DHX40: variants seen among roughly 807,000 people sequenced by gnomAD.
The protein encoded by DHX40 is DEAH-box helicase 40.
Under a neutral mutation model 89.6 loss-of-function variants are expected in DHX40, and 28 were observed. That is an observed-to-expected ratio of 0.31 (90% CI 0.23 to 0.43). DHX40 has a LOEUF of 0.43. DHX40 is among the 20% of genes least tolerant of loss of function. The pLI is 1.00. For synonymous variants in DHX40, 226 were observed against 283.6 expected (o/e 0.80, Z 2.04); for missense variants, 457 against 844.0 (o/e 0.54, Z 5.68).
intron 11 of DHX40, among the ~76,000 whole-genome samples, chr17:59,586,758 T>A (rs2049003412): frequency 6.6e-6 from 1 of 152,118 alleles, no homozygotes; most frequent in African/African-American, 2.4e-5. Flanking sequence ...TGAGTACCAT[T>A]TCAGTGCTAA....
chr17:59,607,416 C>T lies in DHX40; in HGVS notation c.*244C>T, dbSNP rs895852568. 20 of 698,482 alleles carry T rather than the reference C, an allele frequency of 2.9e-5. No homozygotes were observed. Among genetic ancestry groups the T allele is most frequent in the Admixed American group, 5.5e-5 (2 of 36,114 alleles). The allele number at this position is 698,482 out of a possible 1,614,324, so 43.3% of individuals were successfully genotyped here. ...TACATGAAACCAATGAAAGACAGTA[C>T]ATGTAATAATATTTTCCTCAGTACA... On this transcript the variant is annotated 3_prime_UTR_variant, in exon 18 of 18. Coordinates refer to ENST00000251241, the MANE Select transcript of DHX40 (RefSeq NM_024612.5).
Position 59,575,471 on chromosome 17 carries a change from G to C in DHX40, c.973G>C (p.Asp325His). Residue 325 changes from aspartate (D) to histidine (H), a missense_variant and splice_region_variant, in exon 7 of 18, where the codon GAT becomes CAT. Physicochemically the swap from Asp to His is moderately conservative, Grantham distance 81. Transcript: ENST00000251241. ...ILPCYGSMTT[D>H]QQRRIFLPPP... The stretch of plus-strand genomic sequence containing the variant: ...GCCGTGTTATGGATCAATGACAACA[G>C]GTAATTTCTCATTAGAATAGAAAAT... 6.2e-7 allele frequency: 1 copy of C among 1,610,816 alleles called. No homozygotes were observed. The highest frequency in any genetic ancestry group is 1.1e-5 in the South Asian group (1 of 90,120).
intron 15 of DHX40, chr17:59,603,850 C>G (rs1330456660): frequency 6.6e-6 from 1 of 152,120 alleles, no homozygotes; most frequent in Admixed American, 6.5e-5. Context: ...AAAAACACAG[C>G]ATTATGTCTG....
At chr17:59,595,978 CTT>C (rs1188126789) in intron 12 of DHX40, among the ~76,000 whole-genome samples, 3 of 152,118 alleles carry the variant, frequency 2.0e-5, no homozygotes, top group African/African-American at 7.2e-5. Flanking sequence ...CTTATACAGT[CTT>C]TAATTTCTTT....
intron 11 of DHX40, 58 bp downstream of exon 11, chr17:59,586,291 G>A (rs1005046448): frequency 7.9e-7 from 1 of 1,267,940 alleles, no homozygotes; most frequent in African/African-American, 1.5e-5. Flanking sequence ...TTTTAAACAG[G>A]GCTCTAAATA....
chr17:59,606,040 T>C (rs2030827272), intron 17 of DHX40, among the ~76,000 whole-genome samples: 1 of 152,030 alleles, frequency 6.6e-6, no homozygotes, highest in Non-Finnish European at 1.5e-5. Context: ...TTTTTCTTTC[T>C]TTCTTTCTTT....
intron 11 of DHX40, among the ~76,000 whole-genome samples, chr17:59,586,434 C>T (rs1395632914): frequency 2.0e-5 from 3 of 151,200 alleles, no homozygotes; most frequent in South Asian, 2.1e-4. Flanking sequence ...AGGCCGAGGT[C>T]GGTGGATCAT....
intron 11 of DHX40, among the ~76,000 whole-genome samples, chr17:59,587,036 C>T (rs1301391926): frequency 6.6e-6 from 1 of 151,676 alleles, no homozygotes; most frequent in African/African-American, 2.4e-5. Context: ...GCCAGTAGTC[C>T]CAGCTACTTG....
chr17:59,576,861 G>T (rs542100729), intron 7 of DHX40, among the ~76,000 whole-genome samples: 8 of 150,854 alleles, frequency 5.3e-5, no homozygotes, highest in Admixed American at 3.3e-4. Context: ...ATTTTCTCTT[G>T]CCTCTGTTTT....
chr17:59,605,966 CTA>C (rs1491299546), intron 17 of DHX40, among the ~76,000 whole-genome samples: 1 of 150,224 alleles, frequency 6.7e-6, no homozygotes, highest in African/African-American at 2.5e-5. Context: ...GACACTATCT[CTA>C]AAAAAAAAAA....
At chr17:59,571,366 A>G (rs2048805462) in intron 3 of DHX40, among the ~76,000 whole-genome samples, 1 of 151,706 alleles carries the variant, frequency 6.6e-6, no homozygotes, top group South Asian at 2.1e-4. Context: ...CTGAGGCAGG[A>G]AAATGGCTTG....
At chr17:59,571,497 A>G (rs1238905958) in intron 3 of DHX40, among the ~76,000 whole-genome samples, 6 of 151,142 alleles carry the variant, frequency 4.0e-5, no homozygotes, top group Non-Finnish European at 8.8e-5. Flanking sequence ...TTGGGTAACC[A>G]TCACCATTTC....
chr17:59,568,089 G>T (rs994050292), intron 2 of DHX40, among the ~76,000 whole-genome samples: 8 of 152,070 alleles, frequency 5.3e-5, no homozygotes, highest in African/African-American at 1.4e-4. Flanking sequence ...AAAATTAGGC[G>T]TGGTGGCGGG....
chr17:59,572,259 A>G (rs369550038), intron 3 of DHX40, among the ~76,000 whole-genome samples: 3 of 152,134 alleles, frequency 2.0e-5, no homozygotes, highest in Admixed American at 6.5e-5. Context: ...CCAAAATACT[A>G]TCTTTTTGCC....
chr17:59,576,717 TTGAAAC>T (rs2048886797), intron 7 of DHX40, among the ~76,000 whole-genome samples: 1 of 152,194 alleles, frequency 6.6e-6, no homozygotes, highest in Admixed American at 6.5e-5. Context: ...ATAATTTACA[TTGAAAC>T]TGATAAAAAC....
rs1567852563 is a variant in DHX40 at position 59,566,806 on chromosome 17, C to T, written c.280+12C>T. The T allele has an allele frequency of 6.4e-7, 1 of 1,559,112 alleles. No homozygotes were observed. The highest frequency in any genetic ancestry group is 8.6e-7 in the Non-Finnish European group (1 of 1,160,840). On this transcript the variant is annotated intron_variant, in intron 2 of 17. Transcript: ENST00000251241. Reference sequence around the variant, plus strand: ...TCTATATGAAGCAGGTGATTTTTTTCTGTTGTAATAATTGGAAATATTTTA... The same window carrying T: ...TCTATATGAAGCAGGTGATTTTTTTTTGTTGTAATAATTGGAAATATTTTA...
chr17:59,608,126 TCACACTCAGGC>T lies in DHX40; in HGVS notation c.*964_*974del, dbSNP rs1012049739. 2 of 154,772 alleles carry T rather than the reference TCACACTCAGGC, an allele frequency of 1.3e-5. No individual in the cohort carries two copies. Among genetic ancestry groups the T allele is most frequent in the African/African-American group, 2.4e-5 (1 of 41,508 alleles). 9.6% of individuals were successfully genotyped at this position (154,772 alleles called of 1,614,324 possible). A position where few individuals can be genotyped will look rare whatever the true frequency, so the allele number is the denominator to read the frequency against. On this transcript the variant is annotated 3_prime_UTR_variant, in exon 18 of 18. Coordinates refer to ENST00000251241, the MANE Select transcript of DHX40 (RefSeq NM_024612.5). Reference sequence around the variant, plus strand: ...ATTGGAACCTTGAGGCTAGTTAGTATCACACTCAGGCCACACTCAGCACTTGCCCACTCTTG... The same window carrying T: ...ATTGGAACCTTGAGGCTAGTTAGTATCACACTCAGCACTTGCCCACTCTTG...
intron 2 of DHX40, among the ~76,000 whole-genome samples, chr17:59,567,758 C>T (rs1194730844): frequency 6.7e-6 from 1 of 149,798 alleles, no homozygotes; most frequent in African/African-American, 2.5e-5. Flanking sequence ...AACCCTGTCT[C>T]TACTAAAAAT....
At chr17:59,590,534 C>A (rs2049067497) in intron 12 of DHX40, among the ~76,000 whole-genome samples, 2 of 151,500 alleles carry the variant, frequency 1.3e-5, no homozygotes, top group African/African-American at 4.8e-5. Flanking sequence ...GTGGCGTGAT[C>A]TTGGCTCATT....
Sources: allele counts gnomAD v4.1 joint callset (sites outside exome capture counted in the v4.1 genomes callset), GRCh38; gene constraint gnomAD v4.1.1; transcripts MANE v1.5; gene names NCBI Gene and HGNC (gene_info 2026-07-23, HGNC 2026-07-21).